Variants in SLC4A7 observed in about 807,000 individuals in gnomAD.
SLC4A7 encodes sodium bicarbonate cotransporter 3.
SLC4A7 carries 51 observed loss-of-function variants against 137.6 expected under a neutral mutation model. That is an observed-to-expected ratio of 0.37 (90% CI 0.30 to 0.47). SLC4A7 has a LOEUF of 0.47. Among genes scored for constraint, SLC4A7 ranks in the 20% least tolerant of loss-of-function variants. SLC4A7 has a pLI of 1.00. For missense variants in SLC4A7, 1,247 were observed against 1,525.4 expected (o/e 0.82, Z 3.04); for synonymous variants, 542 against 518.6 (o/e 1.05, Z -0.61).
chr3:27,396,677 T>C (rs1490638490), intron 18 of SLC4A7, among the ~76,000 whole-genome samples: 1 of 152,136 alleles, frequency 6.6e-6, no homozygotes. Context: ...ATCTTCATTA[T>C]ATTCCTTATT....
intron 18 of SLC4A7, 71 bp from the exon 19 acceptor site, chr3:27,395,186 C>T (rs1016169961): frequency 1.8e-5 from 20 of 1,103,360 alleles, no homozygotes; most frequent in Non-Finnish European, 2.3e-5. Context: ...ATAACATAGA[C>T]TTGATCTGTT....
chr3:27,466,312 G>A (rs1283952736), intron 1 of SLC4A7, among the ~76,000 whole-genome samples: 2 of 151,884 alleles, frequency 1.3e-5, no homozygotes, highest in East Asian at 3.9e-4. Flanking sequence ...TTAGCCGGGC[G>A]AGGTGGTGGG....
At chr3:27,479,508 T>C (rs552857561) in intron 1 of SLC4A7, among the ~76,000 whole-genome samples, 2 of 152,302 alleles carry the variant, frequency 1.3e-5, no homozygotes, top group South Asian at 4.1e-4. Flanking sequence ...GTCACTAATT[T>C]AGGCAACCTA....
chr3:27,474,172 C>T (rs2059371944), intron 1 of SLC4A7, among the ~76,000 whole-genome samples: 1 of 152,056 alleles, frequency 6.6e-6, no homozygotes, highest in Non-Finnish European at 1.5e-5. Context: ...AAGCTATCTA[C>T]AACAAGAATC....
At chr3:27,448,830 T>G in intron 2 of SLC4A7, 33 bp from the exon 3 acceptor site, 1 of 1,516,802 alleles carries the variant, frequency 6.6e-7, no homozygotes, top group Non-Finnish European at 8.9e-7. Flanking sequence ...ATTACTAGCT[T>G]TCCAAAAGAG....
intron 1 of SLC4A7, among the ~76,000 whole-genome samples, chr3:27,466,072 A>G (rs1429524645): frequency 6.6e-6 from 1 of 152,160 alleles, no homozygotes; most frequent in African/African-American, 2.4e-5. Flanking sequence ...TTTTCTGTAC[A>G]GGAACATAAT....
rs751708269 is a variant in SLC4A7, at chr3:27,436,515, G to A, written c.462C>T (p.Gly154=). The change falls in exon 5 of 26, where the codon GGC becomes GGT. Residue 154 remains glycine, a synonymous_variant. Transcript: ENST00000454389. ...CATAAGGTTTACTCCATCGGTCACC[G>A]CCATCTTCAACATCCTCTTCAAATT... is the stretch of plus-strand genomic sequence containing the variant. ...WLKFEEDVED[G]GDRWSKPYVA... 7.8e-5 allele frequency: 125 copies of A among 1,610,882 alleles called. No homozygotes were observed. Among genetic ancestry groups the A allele is most frequent in the Non-Finnish European group, 1.0e-4 (122 of 1,178,158 alleles).
At chr3:27,398,386 G>T in intron 16 of SLC4A7, 33 bp from the exon 17 acceptor site, 1 of 1,566,196 alleles carries the variant, frequency 6.4e-7, no homozygotes, top group South Asian at 1.2e-5. Flanking sequence ...AGCAGAATGG[G>T]GGATTCTTAC....
chr3:27,416,203 G>A (rs1273143132), intron 11 of SLC4A7, among the ~76,000 whole-genome samples: 5 of 152,146 alleles, frequency 3.3e-5, no homozygotes, highest in African/African-American at 1.2e-4. Flanking sequence ...CTGCTGATGT[G>A]GAGACGATGA....
intron 5 of SLC4A7, among the ~76,000 whole-genome samples, chr3:27,434,841 C>T (rs529790845): frequency 2.0e-5 from 3 of 152,028 alleles, no homozygotes; most frequent in South Asian, 4.2e-4. Context: ...CTAAAAAAAA[C>T]CCTGGAAGGA....
At position 27,398,266 on chromosome 3, in the gene SLC4A7, T is replaced by A. The variant is rs374900487; in HGVS notation, c.2515A>T (p.Ile839Phe). 3 of 1,613,252 alleles carry A rather than the reference T, an allele frequency of 1.9e-6. No homozygotes were observed. The highest frequency in any genetic ancestry group is 2.5e-6 in the Non-Finnish European group (3 of 1,179,492). ...YIPDVLFWCV[I>F]LFFTTFFLSS... ...AGAAAAAATGTTGTGAAAAACAAGA[T>A]GACACACCAAAAGAGCACATCTGGA... The change falls in exon 17 of 26, where the codon ATC becomes TTC. Residue 839 changes from isoleucine to phenylalanine, a missense_variant. Around this residue, in one of 6 missense-constraint regions of SLC4A7, gnomAD observed 499 missense variants for 664.2 expected, o/e 0.75. Coordinates refer to ENST00000454389, the MANE Select transcript of SLC4A7 (RefSeq NM_001321103.2).
At chr3:27,424,246 TATAA>T (rs757233000) in intron 7 of SLC4A7, 94 bp from the exon 8 acceptor site, 32 of 621,382 alleles carry the variant, frequency 5.1e-5, no homozygotes, top group Non-Finnish European at 5.6e-5. Context: ...TTATGAATAT[TATAA>T]AAGCAAATGT....
intron 11 of SLC4A7, among the ~76,000 whole-genome samples, chr3:27,417,647 A>G (rs546138053): frequency 1.2e-4 from 19 of 152,290 alleles, no homozygotes; most frequent in Middle Eastern, 3.4e-3. Context: ...CAGGCTACAT[A>G]GAAGGCTAAG....
intron 15 of SLC4A7, 133 bp downstream of exon 15, chr3:27,403,006 T>C (rs1051347942): frequency 1.9e-5 from 14 of 740,766 alleles, no homozygotes; most frequent in Non-Finnish European, 1.7e-5. Flanking sequence ...GAAACAACCA[T>C]GTCACTATCA....
chr3:27,448,687 A>G lies in SLC4A7; in HGVS notation c.253T>C (p.Ser85Pro), dbSNP rs1559796698. ...GATTCCCGTCCATCTTCTTTATCTG[A>G]TTCTTTATCTTTTCTTCTCCGGTGG... ...HHHRRRKDKE[S>P]DKEDGRESPS... is the part of the protein sequence containing the mutation. The change falls in exon 3 of 26, where the codon TCA becomes CCA. Residue 85 changes from serine to proline, a missense_variant. Coordinates refer to ENST00000454389, the MANE Select transcript of SLC4A7 (RefSeq NM_001321103.2). The G allele has an allele frequency of 2.5e-6, 4 of 1,613,128 alleles. No homozygotes were observed. The South Asian group carries it at 4.4e-5, about 18-fold the overall frequency.
At chr3:27,397,184 C>A (rs921173903) in intron 18 of SLC4A7, among the ~76,000 whole-genome samples, 1 of 152,114 alleles carries the variant, frequency 6.6e-6, no homozygotes, top group East Asian at 1.9e-4. Flanking sequence ...CCCGCCACCA[C>A]GCCTGGCTAA....
intron 7 of SLC4A7, among the ~76,000 whole-genome samples, chr3:27,429,854 C>T (rs2056084947): frequency 6.7e-6 from 1 of 148,244 alleles, no homozygotes. Context: ...GTCTCTCCAC[C>T]CCACCCGCCC....
intron 1 of SLC4A7, among the ~76,000 whole-genome samples, chr3:27,477,733 G>A (rs1354962648): frequency 6.6e-6 from 1 of 152,054 alleles, no homozygotes; most frequent in Non-Finnish European, 1.5e-5. Flanking sequence ...TCCTGCCTCA[G>A]CCTCCCAAGT....
At chr3:27,397,476 T>C (rs896161114) in intron 18 of SLC4A7, among the ~76,000 whole-genome samples, 1 of 152,104 alleles carries the variant, frequency 6.6e-6, no homozygotes, top group African/African-American at 2.4e-5. Flanking sequence ...CCAGCGGTGA[T>C]ACTTTTAAGT....
Sources: gnomAD v4.1 joint callset for allele counts (sites outside exome capture counted in the v4.1 genomes callset) on GRCh38, gnomAD v4.1.1 for gene constraint, gnomAD v4.1.1 regional missense constraint, MANE v1.5 for transcripts, NCBI Gene and HGNC (gene_info 2026-07-23, HGNC 2026-07-21) for gene names.